PCDHA1: variants seen among roughly 807,000 people sequenced by gnomAD.
The protein encoded by PCDHA1 is protocadherin alpha-1.
Under a neutral mutation model 61.3 loss-of-function variants are expected in PCDHA1, and 42 were observed. The observed-to-expected ratio is 0.69, with a 90% CI of 0.54 to 0.89. The LOEUF (loss-of-function observed/expected upper bound fraction) is 0.89, where lower values mean the gene tolerates loss of function less well. Among genes scored for constraint, PCDHA1 ranks in the 40% least tolerant of loss-of-function variants. The pLI, the probability that PCDHA1 is intolerant of heterozygous loss-of-function variation, is 0.00. For synonymous variants in PCDHA1, 610 were observed against 553.8 expected (o/e 1.10, Z -1.43); for missense variants, 1,256 against 1,235.3 (o/e 1.02, Z -0.25).
intron 1 of PCDHA1, among the ~76,000 whole-genome samples, chr5:140,846,496 T>C (rs1780511719): frequency 6.9e-6 from 1 of 143,918 alleles, no homozygotes; most frequent in Non-Finnish European, 1.5e-5. Flanking sequence ...TTCCTCAGCC[T>C]CCCAAGTAGC....
chr5:140,792,948 GTT>G (rs1341552165), intron 1 of PCDHA1, among the ~76,000 whole-genome samples: 1 of 152,186 alleles, frequency 6.6e-6, no homozygotes, highest in Non-Finnish European at 1.5e-5. Context: ...CCACTTTTCA[GTT>G]CACATAATTT....
chr5:140,868,248 T>C (rs1554161850), intron 1 of PCDHA1: 1 of 152,160 alleles, frequency 6.6e-6, no homozygotes, highest in East Asian at 1.9e-4. Context: ...CAATAGACTT[T>C]TCCTTTGTGG....
At chr5:140,860,138 T>C (rs2046209991) in intron 1 of PCDHA1, 2 of 150,752 alleles carry the variant, frequency 1.3e-5, no homozygotes, top group Admixed American at 1.3e-4. Flanking sequence ...TGTGTGTATA[T>C]ATATGTATAT....
intron 1 of PCDHA1, among the ~76,000 whole-genome samples, chr5:140,907,186 C>A (rs782137829): frequency 1.3e-4 from 20 of 152,186 alleles, no homozygotes; most frequent in Non-Finnish European, 2.5e-4. Context: ...AGAGCATACA[C>A]AACCTTCTGG....
chr5:140,817,711 G>T (rs2150098839), intron 1 of PCDHA1: 2 of 151,906 alleles, frequency 1.3e-5, no homozygotes, highest in African/African-American at 4.8e-5. Flanking sequence ...TCATTGTTTT[G>T]TTAACACCTA....
chr5:140,825,450 CAG>C (rs1768582322), intron 1 of PCDHA1: 1 of 145,934 alleles, frequency 6.9e-6, no homozygotes, highest in Admixed American at 6.9e-5. Flanking sequence ...TAATATATAT[CAG>C]ATATTTTGAT....
At chr5:140,857,717 G>C (rs782771327) in intron 1 of PCDHA1, 1 of 1,597,518 alleles carries the variant, frequency 6.3e-7, no homozygotes, top group African/African-American at 1.3e-5. Flanking sequence ...CGTGCTGGAC[G>C]AGAACGACAA....
At chr5:141,006,828 G>A (rs1554260937) in intron 3 of PCDHA1, among the ~76,000 whole-genome samples, 1 of 152,162 alleles carries the variant, frequency 6.6e-6, no homozygotes, top group Non-Finnish European at 1.5e-5. Context: ...TAAATGGGGT[G>A]TAATTTACTG....
chr5:140,973,331 TGTAAAGTGACATAGTA>T (rs782725271), intron 1 of PCDHA1, among the ~76,000 whole-genome samples: 2 of 152,218 alleles, frequency 1.3e-5, no homozygotes, highest in Non-Finnish European at 2.9e-5. Context: ...TTACACTCGT[TGTAAAGTGACATAGTA>T]GTGAATTTAT....
intron 1 of PCDHA1, among the ~76,000 whole-genome samples, chr5:140,960,397 G>C (rs1322659184): frequency 6.6e-6 from 1 of 152,102 alleles, no homozygotes; most frequent in African/African-American, 2.4e-5. Flanking sequence ...AGGATGCAAG[G>C]GGGGGTGCCC....
At chr5:140,805,534 A>T in intron 1 of PCDHA1, 1 of 986,250 alleles carries the variant, frequency 1.0e-6, no homozygotes, top group Non-Finnish European at 1.2e-6. Context: ...AACAGGATGA[A>T]AATAACTTTA....
intron 1 of PCDHA1, chr5:140,871,673 C>A: frequency 8.7e-7 from 1 of 1,142,932 alleles, no homozygotes; most frequent in Non-Finnish European, 1.2e-6. Flanking sequence ...GTCTTTTAAT[C>A]ATATGAATAA....
At chr5:140,818,515 C>T (rs1370679043) in intron 1 of PCDHA1, among the ~76,000 whole-genome samples, 2 of 152,136 alleles carry the variant, frequency 1.3e-5, no homozygotes, top group Non-Finnish European at 2.9e-5. Context: ...TCAGATATAA[C>T]CTGAGAGATT....
intron 1 of PCDHA1, among the ~76,000 whole-genome samples, chr5:140,889,446 TTAATC>T (rs1274795213): frequency 7.2e-5 from 11 of 152,204 alleles, no homozygotes; most frequent in African/African-American, 2.4e-4. Flanking sequence ...ATTTTCCTGT[TTAATC>T]TAAATTTTCA....
intron 1 of PCDHA1, chr5:140,870,549 C>T: frequency 2.5e-6 from 4 of 1,614,062 alleles, no homozygotes; most frequent in Non-Finnish European, 3.4e-6. Context: ...GGGACGCGGA[C>T]GCGCAGGAGA....
At chr5:140,997,840 A>G (rs2097788062) in intron 3 of PCDHA1, among the ~76,000 whole-genome samples, 2 of 152,216 alleles carry the variant, frequency 1.3e-5, no homozygotes, top group Non-Finnish European at 2.9e-5. Flanking sequence ...AATACAATAT[A>G]CATTCTTATA....
intron 1 of PCDHA1, chr5:140,834,232 T>C: frequency 1.3e-6 from 1 of 753,154 alleles, no homozygotes; most frequent in African/African-American, 1.7e-5. Flanking sequence ...AAGGAAGTCA[T>C]TCCTTTTCGC....
intron 1 of PCDHA1, chr5:140,856,366 G>A (rs1388631411): frequency 1.3e-6 from 2 of 1,598,482 alleles, no homozygotes; most frequent in Admixed American, 1.7e-5. Context: ...TCCACCTGGA[G>A]GTGATCGTGG....
intron 1 of PCDHA1, among the ~76,000 whole-genome samples, chr5:140,937,163 G>A (rs1169573071): frequency 2.0e-5 from 3 of 150,028 alleles, no homozygotes; most frequent in East Asian, 4.0e-4. Flanking sequence ...TCAGCCTCCC[G>A]AGTAGCTGGG....
Sources: gnomAD v4.1 joint callset for allele counts (sites outside exome capture counted in the v4.1 genomes callset) on GRCh38, gnomAD v4.1.1 for gene constraint, MANE v1.5 for transcripts, NCBI Gene and HGNC (gene_info 2026-07-23, HGNC 2026-07-21) for gene names.